The following CDH13 variants were observed in gnomAD, a reference collection of about 807,000 sequenced individuals.
CDH13 encodes the protein cadherin 13.
Under a neutral mutation model 63.8 loss-of-function variants are expected in CDH13, and 24 were observed. That is an observed-to-expected ratio of 0.38 (90% CI 0.27 to 0.53). The LOEUF is 0.53. Among genes scored for constraint, CDH13 ranks in the 20% least tolerant of loss-of-function variants. The probability of loss-of-function intolerance (pLI) is 0.85; values close to 1 mark genes in which losing one functional copy is unlikely to be tolerated. For synonymous variants in CDH13, 503 were observed against 355.3 expected (o/e 1.42, Z -4.67); for missense variants, 1,049 against 903.1 (o/e 1.16, Z -2.07).
At chr16:83,636,959 G>A (rs1884371547) in intron 8 of CDH13, among the ~76,000 whole-genome samples, 1 of 152,098 alleles carries the variant, frequency 6.6e-6, no homozygotes, top group Non-Finnish European at 1.5e-5. Context: ...ATTCCAACTG[G>A]TGTGAGATGG....
chr16:83,055,153 C>T (rs879264484), intron 3 of CDH13, among the ~76,000 whole-genome samples: 2 of 151,644 alleles, frequency 1.3e-5, no homozygotes, highest in African/African-American at 4.8e-5. Context: ...AATGGAAATA[C>T]AACATAACAA....
intron 8 of CDH13, among the ~76,000 whole-genome samples, chr16:83,667,839 T>A (rs190141110): frequency 3.9e-5 from 6 of 152,096 alleles, no homozygotes; most frequent in Admixed American, 3.9e-4. Flanking sequence ...TTACATTTTT[T>A]TTTAGAGAGA....
rs561844141 is a variant in CDH13 at position 82,697,587 on chromosome 16, C to T, written c.45+70450C>T. 3.2e-4 allele frequency among the ~76,000 whole-genome samples: 49 copies of T among 151,812 alleles called. No homozygotes were observed. In the East Asian group the frequency reaches 9.0e-3, roughly 28 times the overall value. ...GGGATTACAGGTGCCCGCCACTATG[C>T]CCAGCTAATTTTTTGTGTTTTTAGT... On this transcript the variant is annotated intron_variant, in intron 1 of 13. Coordinates refer to ENST00000567109, the MANE Select transcript of CDH13 (RefSeq NM_001257.5).
chr16:83,228,319 C>T (rs1298981700), intron 5 of CDH13, among the ~76,000 whole-genome samples: 1 of 152,216 alleles, frequency 6.6e-6, no homozygotes, highest in African/African-American at 2.4e-5. Context: ...CCGTGCTCTG[C>T]AGGCTCCTTG....
intron 10 of CDH13, among the ~76,000 whole-genome samples, chr16:83,720,565 A>G (rs1387590929): frequency 6.6e-6 from 1 of 152,030 alleles, no homozygotes; most frequent in Non-Finnish European, 1.5e-5. Context: ...CAACATAGTG[A>G]GACCCCGTCT....
At chr16:83,102,322 C>T (rs184757195) in intron 3 of CDH13, among the ~76,000 whole-genome samples, 2 of 152,298 alleles carry the variant, frequency 1.3e-5, no homozygotes, top group East Asian at 1.9e-4. Context: ...CTTGTTATAG[C>T]AGCCATTGGA....
intron 4 of CDH13, among the ~76,000 whole-genome samples, chr16:83,185,311 G>A (rs2038485607): frequency 6.6e-6 from 1 of 152,106 alleles, no homozygotes; most frequent in Middle Eastern, 3.2e-3. Context: ...TAACTCCAAA[G>A]ATTTTTGCTA....
At chr16:83,697,569 A>G (rs569466697) in intron 10 of CDH13, among the ~76,000 whole-genome samples, 97 of 152,222 alleles carry the variant, frequency 6.4e-4, no homozygotes, top group Non-Finnish European at 1.1e-3. Context: ...AGAAGTGCAC[A>G]TAAGATAAGG....
chr16:83,462,624 G>A (rs1485927020), intron 6 of CDH13, among the ~76,000 whole-genome samples: 1 of 152,100 alleles, frequency 6.6e-6, no homozygotes, highest in Non-Finnish European at 1.5e-5. Context: ...CAGGTGTGAT[G>A]GCCCATGCCT....
intron 4 of CDH13, among the ~76,000 whole-genome samples, chr16:83,153,186 G>C (rs2037062775): frequency 6.6e-6 from 1 of 152,166 alleles, no homozygotes; most frequent in Admixed American, 6.5e-5. Flanking sequence ...ACAATTTGGT[G>C]GGAGGGGAGG....
At chr16:83,045,301 T>TA (rs1379202703) in intron 3 of CDH13, among the ~76,000 whole-genome samples, 1 of 152,062 alleles carries the variant, frequency 6.6e-6, no homozygotes, top group Admixed American at 6.5e-5. Flanking sequence ...CTCATGGAAA[T>TA]AGCATGAGAT....
intron 1 of CDH13, among the ~76,000 whole-genome samples, chr16:82,707,872 A>G (rs934438647): frequency 2.6e-5 from 4 of 152,186 alleles, no homozygotes; most frequent in African/African-American, 9.7e-5. Flanking sequence ...AAAGGAGCAT[A>G]TGTGTCGGTT....
chr16:83,742,219 GA>G (rs1719273848), intron 10 of CDH13, among the ~76,000 whole-genome samples: 1 of 152,146 alleles, frequency 6.6e-6, no homozygotes, highest in South Asian at 2.1e-4. Flanking sequence ...TCCCTGCTCT[GA>G]GGGGGCCCTG....
chr16:82,689,981 C>CCAAAAAAAAA (rs1915472581), intron 1 of CDH13, among the ~76,000 whole-genome samples: 1 of 6,484 alleles, frequency 1.5e-4, no homozygotes, highest in African/African-American at 4.9e-4. Flanking sequence ...GCCATCTCTA[C>CCAAAAAAAAA]TAAAAAAAAA....
At chr16:82,672,999 C>CT (rs562942948) in intron 1 of CDH13, among the ~76,000 whole-genome samples, 14,367 of 80,394 alleles carry the variant, frequency 0.18, 2,410 homozygotes, top group East Asian at 0.37. Context: ...ATAAAGTTTT[C>CT]TTTTTTTTTT....
chr16:83,460,260 A>G (rs747403191), intron 6 of CDH13, among the ~76,000 whole-genome samples: 55 of 152,248 alleles, frequency 3.6e-4, no homozygotes, highest in Non-Finnish European at 5.9e-4. Context: ...TTTGGCAATA[A>G]CAGGAAAACA....
At chr16:82,875,751 A>G (rs2040484826) in intron 2 of CDH13, among the ~76,000 whole-genome samples, 1 of 152,238 alleles carries the variant, frequency 6.6e-6, no homozygotes, top group South Asian at 2.1e-4. Context: ...AGAGCATTCG[A>G]GAAACTAGCT....
At chr16:82,738,861 C>G (rs1433942676) in intron 1 of CDH13, among the ~76,000 whole-genome samples, 2 of 152,140 alleles carry the variant, frequency 1.3e-5, no homozygotes, top group Admixed American at 1.3e-4. Flanking sequence ...CATGTCTTAC[C>G]ATTTATTCTG....
At chr16:83,480,425 C>A (rs566158524) in intron 6 of CDH13, among the ~76,000 whole-genome samples, 5 of 151,494 alleles carry the variant, frequency 3.3e-5, no homozygotes, top group Non-Finnish European at 4.4e-5. Flanking sequence ...TGGCTTGATT[C>A]TGCTTTGGTT....
Sources: allele counts gnomAD v4.1 joint callset (sites outside exome capture counted in the v4.1 genomes callset), GRCh38; gene constraint gnomAD v4.1.1; transcripts MANE v1.5; gene names NCBI Gene and HGNC (gene_info 2026-07-23, HGNC 2026-07-21).